Variants in STPG1 observed in about 807,000 individuals in gnomAD.
The protein encoded by STPG1 is sperm tail PG-rich repeat containing 1.
Under a neutral mutation model 40.1 loss-of-function variants are expected in STPG1, and 33 were observed. That is an observed-to-expected ratio of 0.82 (90% confidence interval 0.62 to 1.10). The LOEUF (loss-of-function observed/expected upper bound fraction) is 1.10. STPG1 is among the 50% of genes least tolerant of loss of function. The pLI is 0.00. For synonymous variants in STPG1, 150 were observed against 155.0 expected (o/e 0.97, Z 0.24); for missense variants, 396 against 415.1 (o/e 0.95, Z 0.40).
At chr1:24,367,426 A>G (rs1167950395) in intron 7 of STPG1, among the ~76,000 whole-genome samples, 1 of 152,214 alleles carries the variant, frequency 6.6e-6, no homozygotes, top group Non-Finnish European at 1.5e-5. Context: ...TGGGGGCTTG[A>G]GCTGCCATGC....
chr1:24,375,162 C>T (rs906658439), intron 5 of STPG1, among the ~76,000 whole-genome samples: 20 of 152,006 alleles, frequency 1.3e-4, no homozygotes, highest in Admixed American at 3.9e-4. Context: ...TGAGAGTGCG[C>T]GATGTGTTCA....
intron 3 of STPG1, among the ~76,000 whole-genome samples, chr1:24,390,358 C>T (rs909370598): frequency 1.3e-5 from 2 of 152,022 alleles, no homozygotes; most frequent in Non-Finnish European, 2.9e-5. Flanking sequence ...AAAAGAGATG[C>T]GGCAAGATTT....
intron 4 of STPG1, among the ~76,000 whole-genome samples, chr1:24,383,454 G>T (rs956084667): frequency 6.6e-6 from 1 of 152,158 alleles, no homozygotes. Flanking sequence ...AGAAGGAAAG[G>T]GGTGGGGCCA....
Position 24,357,165 on chromosome 1 carries a change from G to A in STPG1, c.*1378C>T, listed in dbSNP as rs1025251576. ...CCCATTAGGCTTGCCTGCCCCTGTG[G>A]GAGGGACCCAGTGGGGCACCCAGAG... On this transcript the variant is annotated 3_prime_UTR_variant, in exon 9 of 9. Coordinates refer to ENST00000337248, the MANE Select transcript of STPG1 (RefSeq NM_001199013.2). The A allele has an allele frequency of 6.6e-6, 1 of 152,112 alleles. No individual in the cohort carries two copies. Among genetic ancestry groups the A allele is most frequent in the African/African-American group, 2.4e-5 (1 of 41,400 alleles). 9.4% of individuals were successfully genotyped at this position (152,112 alleles called of 1,614,324 possible).
intron 5 of STPG1, among the ~76,000 whole-genome samples, chr1:24,378,873 A>G (rs1345215579): frequency 6.6e-6 from 1 of 152,156 alleles, no homozygotes; most frequent in African/African-American, 2.4e-5. Flanking sequence ...TCCATTGTAC[A>G]GTGGGGGCTG....
chr1:24,360,814 AT>A (rs748302130), intron 8 of STPG1, 36 bp downstream of exon 8: 1 of 1,546,474 alleles, frequency 6.5e-7, no homozygotes, highest in South Asian at 1.2e-5. Flanking sequence ...GTTCCAGAAG[AT>A]TTGGTTTTTA....
At chr1:24,387,639 G>A (rs1642572714) in intron 3 of STPG1, among the ~76,000 whole-genome samples, 3 of 152,118 alleles carry the variant, frequency 2.0e-5, no homozygotes, top group African/African-American at 7.2e-5. Flanking sequence ...GATAATGATG[G>A]GATTTAGCTC....
At chr1:24,404,493 G>A (rs759760520) in intron 1 of STPG1, among the ~76,000 whole-genome samples, 8 of 152,136 alleles carry the variant, frequency 5.3e-5, no homozygotes, top group East Asian at 3.8e-4. Flanking sequence ...CACAGTTTGC[G>A]TAAAATTGGT....
intron 3 of STPG1, among the ~76,000 whole-genome samples, chr1:24,384,233 T>G (rs1194440469): frequency 6.6e-6 from 1 of 152,238 alleles, no homozygotes. Flanking sequence ...CCAAAGCCCT[T>G]GCTCTTTCCA....
Position 24,391,601 on chromosome 1 carries a change from T to G in STPG1, c.149A>C (p.Lys50Thr). 6.5e-7 allele frequency: 1 copy of G among 1,548,774 alleles called. No individual in the cohort carries two copies. Among genetic ancestry groups the G allele is most frequent in the Non-Finnish European group, 8.7e-7 (1 of 1,145,304 alleles). ...QASVIPESEK[K>T]GFNSQAKRFP... is the part of the protein sequence containing the mutation. ...TCTCTTGGCTTGACTATTGAATCCT[T>G]TTTTTTCTGATTCTGGGATTACTGA... The change falls in exon 3 of 9, where the codon AAA becomes ACA. Residue 50 changes from lysine to threonine, a missense_variant. Coordinates refer to ENST00000337248, the MANE Select transcript of STPG1 (RefSeq NM_001199013.2).
At chr1:24,389,181 TTC>T (rs1557451767) in intron 3 of STPG1, among the ~76,000 whole-genome samples, 1 of 152,176 alleles carries the variant, frequency 6.6e-6, no homozygotes, top group African/African-American at 2.4e-5. Flanking sequence ...GTCAAAAACG[TTC>T]TGAGAAGCAA....
intron 1 of STPG1, among the ~76,000 whole-genome samples, chr1:24,405,552 C>T (rs1283843518): frequency 6.6e-6 from 1 of 152,106 alleles, no homozygotes; most frequent in African/African-American, 2.4e-5. Context: ...GGTTGATAGT[C>T]TGTTCAAGTC....
Position 24,361,013 on chromosome 1 carries a change from G to C in STPG1, c.766C>G (p.Gln256Glu), listed in dbSNP as rs551473023. 6.2e-7 allele frequency: 1 copy of C among 1,611,772 alleles called. No homozygotes were observed. The highest frequency in any genetic ancestry group is 1.7e-5 in the Admixed American group (1 of 59,548). ...GGCTTCGGAGGCAGAGGCGAAGGCT[G>C]AGCAGAGAAGTTCAGGATGGGGTTT... ...PKNPILNFSA[Q>E]PSPLPPKPPF... is the part of the protein sequence containing the mutation. The change falls in exon 8 of 9, where the codon CAG becomes GAG. Residue 256 changes from glutamine to glutamate, a missense_variant. Gln to Glu is a conservative substitution (Grantham distance 29, BLOSUM62 2). Coordinates refer to ENST00000337248, the MANE Select transcript of STPG1 (RefSeq NM_001199013.2).
chr1:24,409,133 C>T (rs763599016), intron 1 of STPG1, among the ~76,000 whole-genome samples: 2 of 152,006 alleles, frequency 1.3e-5, no homozygotes, highest in Non-Finnish European at 2.9e-5. Flanking sequence ...TTTGGGAGGC[C>T]GAGGTTAGGC....
intron 7 of STPG1, chr1:24,364,141 C>T: frequency 6.8e-7 from 1 of 1,472,404 alleles, no homozygotes; most frequent in Non-Finnish European, 9.0e-7. Flanking sequence ...CCAACTTTCC[C>T]TGCAAACTCG....
rs1491372406 is a variant in STPG1, at chr1:24,357,057, C to CCG, written c.*1485_*1486insCG. The CCG allele has an allele frequency of 9.7e-6, 1 of 102,928 alleles. No homozygotes were observed. 6.4% of individuals were successfully genotyped at this position (102,928 alleles called of 1,614,324 possible). ...TTTTTAAAATTAAGGCCCCCCCCCC[C>CCG]AAAAAAAAAATCCATGGTGAACAAA... On this transcript the variant is annotated 3_prime_UTR_variant, in exon 9 of 9. Transcript: ENST00000337248.
intron 6 of STPG1, among the ~76,000 whole-genome samples, chr1:24,372,558 A>G (rs891960094): frequency 6.6e-6 from 1 of 152,174 alleles, no homozygotes; most frequent in Non-Finnish European, 1.5e-5. Context: ...GGCCAACCCC[A>G]GGGATGCTGG....
chr1:24,367,505 T>C (rs1187817274), intron 7 of STPG1, among the ~76,000 whole-genome samples: 1 of 152,132 alleles, frequency 6.6e-6, no homozygotes, highest in Non-Finnish European at 1.5e-5. Flanking sequence ...ACAGCTATCA[T>C]TATAAGGGTA....
chr1:24,387,634 T>C (rs1355982441), intron 3 of STPG1, among the ~76,000 whole-genome samples: 1 of 152,160 alleles, frequency 6.6e-6, no homozygotes, highest in Non-Finnish European at 1.5e-5. Flanking sequence ...GTATGGATAA[T>C]GATGGGATTT....
Sources: allele counts gnomAD v4.1 joint callset (sites outside exome capture counted in the v4.1 genomes callset), GRCh38; gene constraint gnomAD v4.1.1; transcripts MANE v1.5; gene names NCBI Gene and HGNC (gene_info 2026-07-23, HGNC 2026-07-21).